Variants in RNF11 observed in about 807,000 individuals in gnomAD.
RNF11 encodes the protein ring finger protein 11.
In RNF11, 4 loss-of-function variants were observed where a neutral mutation model predicts 15.8. That is an observed-to-expected ratio of 0.25 (90% confidence interval 0.12 to 0.58). RNF11 has a LOEUF of 0.58. Ranked by LOEUF, RNF11 falls within the 20% of genes least tolerant of loss-of-function variation. The probability of loss-of-function intolerance (pLI) is 0.91; values close to 1 mark genes in which losing one functional copy is unlikely to be tolerated. For missense variants in RNF11, 139 were observed against 194.4 expected (o/e 0.71, Z 1.70); for synonymous variants, 68 against 72.3 (o/e 0.94, Z 0.30).
chr1:51,249,678 G>A (rs1253317041), intron 1 of RNF11, among the ~76,000 whole-genome samples: 1 of 152,122 alleles, frequency 6.6e-6, no homozygotes, highest in East Asian at 1.9e-4. Context: ...ATTCAAAATT[G>A]TGTAAATATA....
At chr1:51,271,065 A>C (rs974698405) in intron 2 of RNF11, 86 bp from the exon 3 acceptor site, 2 of 1,128,640 alleles carry the variant, frequency 1.8e-6, no homozygotes, top group Non-Finnish European at 2.6e-6. Flanking sequence ...ACTCAGATTA[A>C]CACTGTCTTT....
At chr1:51,257,230 C>T (rs1340203019) in intron 1 of RNF11, among the ~76,000 whole-genome samples, 1 of 152,040 alleles carries the variant, frequency 6.6e-6, no homozygotes, top group Admixed American at 6.6e-5. Context: ...AAAGTTTCTC[C>T]CAGAACTTTA....
chr1:51,242,563 C>G (rs1009836313), intron 1 of RNF11, among the ~76,000 whole-genome samples: 1 of 152,110 alleles, frequency 6.6e-6, no homozygotes, highest in Non-Finnish European at 1.5e-5. Flanking sequence ...AAATAACCCC[C>G]TTCCTTATAA....
chr1:51,264,317 T>TATATATATAC (rs376694497), intron 1 of RNF11, among the ~76,000 whole-genome samples: 82 of 75,462 alleles, frequency 1.1e-3, no homozygotes, highest in African/African-American at 1.8e-3. Flanking sequence ...TATATATATA[T>TATATATATAC]ACACACACAC....
chr1:51,260,452 A>G (rs977290732), intron 1 of RNF11, among the ~76,000 whole-genome samples: 3 of 152,216 alleles, frequency 2.0e-5, no homozygotes, highest in Admixed American at 6.5e-5. Flanking sequence ...CCCTCTTTCA[A>G]ACTTTCACAC....
At chr1:51,268,104 A>G (rs1646963093) in intron 1 of RNF11, among the ~76,000 whole-genome samples, 1 of 152,260 alleles carries the variant, frequency 6.6e-6, no homozygotes, top group Admixed American at 6.5e-5. Context: ...TTAGCCAACA[A>G]TTGAATCAGG....
intron 1 of RNF11, among the ~76,000 whole-genome samples, chr1:51,260,574 C>T (rs1259350895): frequency 2.6e-5 from 4 of 151,984 alleles, no homozygotes; most frequent in Non-Finnish European, 5.9e-5. Context: ...GTTATTATAC[C>T]CTGGAGGTAA....
intron 1 of RNF11, among the ~76,000 whole-genome samples, chr1:51,258,342 G>A (rs1292641477): frequency 6.6e-6 from 1 of 152,202 alleles, no homozygotes; most frequent in Non-Finnish European, 1.5e-5. Flanking sequence ...AGGTTGGGCA[G>A]TAGAGCAGGG....
intron 1 of RNF11, among the ~76,000 whole-genome samples, chr1:51,260,755 A>G (rs139756645): frequency 1.3e-5 from 2 of 152,130 alleles, no homozygotes; most frequent in East Asian, 3.9e-4. Flanking sequence ...TCCTACTTCT[A>G]ATAATTTGGC....
chr1:51,251,962 T>C (rs1646879959), intron 1 of RNF11, among the ~76,000 whole-genome samples: 1 of 150,784 alleles, frequency 6.6e-6, no homozygotes, highest in African/African-American at 2.4e-5. Flanking sequence ...GCCTGTAATC[T>C]CAGCTACTCA....
At chr1:51,252,081 CAAAAAAAAAAA>C (rs928146865) in intron 1 of RNF11, among the ~76,000 whole-genome samples, 8 of 53,650 alleles carry the variant, frequency 1.5e-4, no homozygotes, top group Non-Finnish European at 2.5e-4. Context: ...CATCTCAAAG[CAAAAAAAAAAA>C]AAAAAAAAAA....
intron 1 of RNF11, among the ~76,000 whole-genome samples, chr1:51,245,840 G>A (rs1038714563): frequency 6.6e-6 from 1 of 152,182 alleles, no homozygotes; most frequent in Non-Finnish European, 1.5e-5. Flanking sequence ...ATACATAAAA[G>A]ACATATTTGC....
In RNF11 at chr1:51,271,987, T is replaced by A. The variant is rs1259204027; in HGVS notation, c.*665T>A. ...GCAGAATTCAAAGTGATCTCCTAGC[T>A]TGTAAGCAAACTGAGATGCACTATC... On this transcript the variant is annotated 3_prime_UTR_variant, in exon 3 of 3. Coordinates refer to ENST00000242719, the MANE Select transcript of RNF11 (RefSeq NM_014372.5). 6.6e-6 allele frequency: 1 copy of A among 152,632 alleles called. No individual in the cohort carries two copies. Among genetic ancestry groups the A allele is most frequent in the East Asian group, 1.9e-4 (1 of 5,204 alleles). 9.5% of individuals were successfully genotyped at this position (152,632 alleles called of 1,614,324 possible).
At position 51,236,748 on chromosome 1, in the gene RNF11, C is replaced by T; in HGVS notation, c.-9C>T. ...TCCTCCCCCAGATCACGCACCCCAG[C>T]TCCGGAAGATGGGGAACTGCCTCAA... On this transcript the variant is annotated 5_prime_UTR_variant, in exon 1 of 3. Coordinates refer to ENST00000242719, the MANE Select transcript of RNF11 (RefSeq NM_014372.5). 2 of 1,612,892 alleles carry T rather than the reference C, an allele frequency of 1.2e-6. No homozygotes were observed. The highest frequency in any genetic ancestry group is 1.7e-6 in the Non-Finnish European group (2 of 1,179,622).
intron 1 of RNF11, 120 bp downstream of exon 1, chr1:51,236,999 C>T: frequency 3.8e-6 from 5 of 1,318,104 alleles, no homozygotes; most frequent in East Asian, 2.6e-5. Context: ...GCATTGACCC[C>T]TTAGGGCTGG....
rs192903993 is a variant in RNF11, at chr1:51,269,853, T to C, written c.124-103T>C. On this transcript the variant is annotated intron_variant, in intron 1 of 2. Transcript: ENST00000242719. ...ACAGCCAAACACTAGCCCAGCTTCC[T>C]ACCCCTCCCAGGGCTCCCTTTCCCT... 4 of 920,216 alleles carry C rather than the reference T, an allele frequency of 4.3e-6. No homozygotes were observed. The African/African-American group carries it at 6.8e-5, about 16-fold the overall frequency. 57.0% of individuals were successfully genotyped at this position (920,216 alleles called of 1,614,324 possible).
At chr1:51,251,577 A>G (rs917706347) in intron 1 of RNF11, 4 of 551,436 alleles carry the variant, frequency 7.3e-6, no homozygotes, top group Non-Finnish European at 1.3e-5. Context: ...TGATGGATGC[A>G]TAAAATATGT....
At chr1:51,254,035 A>G (rs545287502) in intron 1 of RNF11, among the ~76,000 whole-genome samples, 1 of 152,330 alleles carries the variant, frequency 6.6e-6, no homozygotes, top group South Asian at 2.1e-4. Context: ...TACACGATCA[A>G]TCGGATCATC....
Position 51,271,375 on chromosome 1 carries a change from CT to C in RNF11, c.*57del. 1 of 1,442,214 alleles carries C rather than the reference CT, an allele frequency of 6.9e-7. No individual in the cohort carries two copies. The highest frequency in any genetic ancestry group is 9.5e-7 in the Non-Finnish European group (1 of 1,054,642). 89.3% of individuals were successfully genotyped at this position (1,442,214 alleles called of 1,614,324 possible). ...GAACCACCATTTTGGTGGTTTTGAT[CT>C]TTTGTCACTGAGCCCAAAGAGCCAG... On this transcript the variant is annotated 3_prime_UTR_variant, in exon 3 of 3. Coordinates refer to ENST00000242719, the MANE Select transcript of RNF11 (RefSeq NM_014372.5).
Sources: gnomAD v4.1 joint callset for allele counts (sites outside exome capture counted in the v4.1 genomes callset) on GRCh38, gnomAD v4.1.1 for gene constraint, MANE v1.5 for transcripts, NCBI Gene and HGNC (gene_info 2026-07-23, HGNC 2026-07-21) for gene names.